Variants in KRABD2 observed in about 807,000 individuals in gnomAD.
The protein encoded by KRABD2 is KRAB domain containing 2.
At chr17:8,367,662 CAAAA>C in the KRABD2 span, among the ~76,000 whole-genome samples, 2 of 94,124 alleles carry the variant, frequency 2.1e-5, no homozygotes. Context: ...GACCCTGTCT[CAAAA>C]AAAAAAAAAA....
the KRABD2 span, among the ~76,000 whole-genome samples, chr17:8,374,665 G>C: frequency 6.7e-6 from 1 of 148,572 alleles, no homozygotes; most frequent in African/African-American, 2.5e-5. Context: ...TGAATGATTC[G>C]GCCGGGCGTG....
the KRABD2 span, among the ~76,000 whole-genome samples, chr17:8,373,309 G>C: frequency 6.6e-6 from 1 of 152,234 alleles, no homozygotes; most frequent in Non-Finnish European, 1.5e-5. Flanking sequence ...CGAGTGCCTG[G>C]GATTGCCCAC....
chr17:8,363,854 TATA>T, the KRABD2 span, among the ~76,000 whole-genome samples: 14 of 68,446 alleles, frequency 2.0e-4, 1 homozygote, highest in African/African-American at 7.6e-4. Context: ...TATATATATA[TATA>T]TATATTTATT....
chr17:8,371,978 C>A, the KRABD2 span: 1 of 986,488 alleles, frequency 1.0e-6, no homozygotes, highest in South Asian at 4.7e-5. Flanking sequence ...GGTGATGAGG[C>A]CAGGGGAGTT....
chr17:8,363,842 T>TATATATATATATG, the KRABD2 span, among the ~76,000 whole-genome samples: 1 of 80,908 alleles, frequency 1.2e-5, no homozygotes, highest in Non-Finnish European at 2.5e-5. Context: ...TATATATATA[T>TATATATATATATG]ATATATATAT....
chr17:8,367,996 C>T, the KRABD2 span, among the ~76,000 whole-genome samples: 3 of 139,304 alleles, frequency 2.2e-5, no homozygotes, highest in Non-Finnish European at 3.0e-5. Flanking sequence ...GGTGTGGTGG[C>T]GTGTGCCTGT....
the KRABD2 span, among the ~76,000 whole-genome samples, chr17:8,370,980 C>A: frequency 6.6e-6 from 1 of 152,048 alleles, no homozygotes; most frequent in Non-Finnish European, 1.5e-5. Flanking sequence ...AACAGCCTGG[C>A]CAACAGGGTG....
At chr17:8,371,531 G>A in the KRABD2 span, 22 of 1,600,600 alleles carry the variant, frequency 1.4e-5, no homozygotes, top group East Asian at 2.2e-5. Context: ...AGGAATGAAG[G>A]CATGCAGCAT....
the KRABD2 span, chr17:8,375,998 A>T: frequency 8.1e-7 from 1 of 1,231,460 alleles, no homozygotes; most frequent in Admixed American, 4.2e-5. Flanking sequence ...TGACGTATTC[A>T]GTAACTTTAG....
chr17:8,375,586 A>C, the KRABD2 span: 4 of 149,706 alleles, frequency 2.7e-5, no homozygotes, highest in Admixed American at 2.0e-4. Context: ...CCCAGGCTAG[A>C]GTACAGTGGC....
chr17:8,369,536 G>T, the KRABD2 span: 2 of 1,614,166 alleles, frequency 1.2e-6, no homozygotes, highest in Non-Finnish European at 1.7e-6. Context: ...CTTCCAGGGA[G>T]CCCTGGCTTT....
chr17:8,359,807 G>A, the KRABD2 span: 1 of 455,940 alleles, frequency 2.2e-6, no homozygotes, highest in Non-Finnish European at 4.4e-6. Context: ...GTTCTGTGTT[G>A]AGCGAGATCC....
the KRABD2 span, among the ~76,000 whole-genome samples, chr17:8,363,850 TATATA>T: frequency 5.0e-4 from 45 of 89,864 alleles, no homozygotes; most frequent in African/African-American, 1.7e-3. Context: ...TATATATATA[TATATA>T]TATATATTTA....
the KRABD2 span, among the ~76,000 whole-genome samples, chr17:8,362,170 A>G: frequency 6.6e-6 from 1 of 152,208 alleles, no homozygotes; most frequent in East Asian, 1.9e-4. The surrounding 1 kb of genome is among the most constrained non-coding windows in gnomAD (Gnocchi z 4.2). Context: ...CGTCTCTACT[A>G]AAAATACAAA....
the KRABD2 span, chr17:8,376,136 C>T: frequency 2.4e-6 from 3 of 1,231,752 alleles, no homozygotes; most frequent in Non-Finnish European, 3.0e-6. Context: ...TTCTACCTGC[C>T]TGTACCCCCT....
the KRABD2 span, among the ~76,000 whole-genome samples, chr17:8,366,531 C>A: frequency 2.6e-5 from 4 of 152,186 alleles, no homozygotes; most frequent in Non-Finnish European, 4.4e-5. Context: ...CAAATTCCAA[C>A]CATACTTTAC....
chr17:8,367,146 C>T, the KRABD2 span: 1 of 152,244 alleles, frequency 6.6e-6, no homozygotes. Context: ...CCTCATCCAT[C>T]AGTTCTTGTT....
chr17:8,370,526 T>A, the KRABD2 span: 1 of 639,996 alleles, frequency 1.6e-6, no homozygotes, highest in Non-Finnish European at 2.6e-6. Flanking sequence ...GAATAATAGT[T>A]AAAAAGCAAC....
At chr17:8,361,034 C>T in the KRABD2 span, among the ~76,000 whole-genome samples, 155 of 152,280 alleles carry the variant, frequency 1.0e-3, no homozygotes, top group Non-Finnish European at 1.8e-3. Flanking sequence ...AAAAAAACCA[C>T]TGGTAATAGG....
Sources: gnomAD v4.1 joint callset for allele counts (sites outside exome capture counted in the v4.1 genomes callset) on GRCh38, gnomAD v4.1.1 for gene constraint, Gnocchi (gnomAD v3.1) non-coding constraint, MANE v1.5 for transcripts, NCBI Gene and HGNC (gene_info 2026-07-23, HGNC 2026-07-21) for gene names.